The following SLCO3A1 variants were observed in gnomAD, a reference collection of about 807,000 sequenced individuals.
The protein encoded by SLCO3A1 is PGE1 transporter.
Under a neutral mutation model 63.1 loss-of-function variants are expected in SLCO3A1, and 27 were observed. The ratio of observed to expected loss-of-function variants is 0.43; its 90% CI spans 0.32 to 0.59. SLCO3A1 has a LOEUF of 0.59. Ranked by LOEUF, SLCO3A1 falls within the 20% of genes least tolerant of loss-of-function variation. The probability of loss-of-function intolerance (pLI) is 0.09; values close to 1 mark genes in which losing one functional copy is unlikely to be tolerated. For synonymous variants in SLCO3A1, 473 were observed against 409.9 expected (o/e 1.15, Z -1.86); for missense variants, 773 against 945.8 (o/e 0.82, Z 2.40).
intron 2 of SLCO3A1, among the ~76,000 whole-genome samples, chr15:92,055,697 G>A (rs1384188268): frequency 6.6e-6 from 1 of 152,118 alleles, no homozygotes; most frequent in Admixed American, 6.5e-5. Context: ...AGCCTCTTGA[G>A]CTCTCTGCAC....
rs372632353 is a variant in SLCO3A1, at chr15:92,042,537, C to T, written c.647-52344C>T. Among the ~76,000 whole-genome samples the T allele has an allele frequency of 1.5e-3, 226 of 152,266 alleles. 1 individual carries two copies. The highest frequency in any genetic ancestry group is 5.2e-3 in the African/African-American group (214 of 41,550). On this transcript the variant is annotated intron_variant, in intron 2 of 9. Transcript: ENST00000318445. Reference sequence around the variant, plus strand: ...CCCTACACCGGGCACTGGGAAATGGCAGAGTCACCTCCTGCTTCAGAGGAG... The same window carrying T: ...CCCTACACCGGGCACTGGGAAATGGTAGAGTCACCTCCTGCTTCAGAGGAG...
At chr15:91,878,765 ATACT>A (rs1897470051) in intron 1 of SLCO3A1, among the ~76,000 whole-genome samples, 1 of 152,232 alleles carries the variant, frequency 6.6e-6, no homozygotes, top group South Asian at 2.1e-4. Context: ...AAACAATGAA[ATACT>A]TATAGTAACT....
chr15:92,112,379 C>T (rs1430157075), intron 4 of SLCO3A1, among the ~76,000 whole-genome samples: 1 of 152,216 alleles, frequency 6.6e-6, no homozygotes, highest in Non-Finnish European at 1.5e-5. Flanking sequence ...CATTGCCCTT[C>T]TGAAGCATCT....
At chr15:92,165,998 A>G (rs1325170961), downstream of SLCO3A1, 1 of 597,416 alleles carries the variant, frequency 1.7e-6, no homozygotes, top group Non-Finnish European at 2.1e-6. Flanking sequence ...TGAAATTGAC[A>G]GATCTTTGTA....
chr15:92,111,320 A>G lies in SLCO3A1; in HGVS notation c.1009+6778A>G, dbSNP rs74030483. Among the ~76,000 whole-genome samples, 798 of 152,314 alleles carry G rather than the reference A, an allele frequency of 5.2e-3. 4 individuals are homozygous for G. The highest frequency in any genetic ancestry group is 0.019 in the African/African-American group (770 of 41,566). ...TCTTAATTAAAATCCTGTGCCTTTCAGCATAATGTTATCATGAGGAGCCTG... is the reference window on the plus strand; with the variant it reads ...TCTTAATTAAAATCCTGTGCCTTTCGGCATAATGTTATCATGAGGAGCCTG... On this transcript the variant is annotated intron_variant, in intron 4 of 9. Transcript: ENST00000318445.
At chr15:91,876,201 C>T (rs1391670685) in intron 1 of SLCO3A1, among the ~76,000 whole-genome samples, 2 of 152,210 alleles carry the variant, frequency 1.3e-5, no homozygotes, top group African/African-American at 4.8e-5. Flanking sequence ...AGCTTTCACT[C>T]CCAGGAGTGG....
rs1461031857 is a variant in SLCO3A1 at position 91,968,864 on chromosome 15, C to T, written c.646+52406C>T. 2.6e-5 allele frequency among the ~76,000 whole-genome samples: 4 copies of T among 152,178 alleles called. No homozygotes were observed. The highest frequency in any genetic ancestry group is 5.9e-5 in the Non-Finnish European group (4 of 68,028). ...TGCTTGGCACATTCTGGTTCCTCTG[C>T]ATGGAGTCTCCTTTCTCTTTCCCCT... is the stretch of plus-strand genomic sequence containing the variant. On this transcript the variant is annotated intron_variant, in intron 2 of 9. Coordinates refer to ENST00000318445, the MANE Select transcript of SLCO3A1 (RefSeq NM_013272.4). The surrounding 1 kb of genome is among the most constrained non-coding windows in gnomAD (Gnocchi z 4.2).
chr15:91,941,661 T>C lies in SLCO3A1; in HGVS notation c.646+25203T>C. Reference sequence around the variant, plus strand: ...GTTTTGTACTTTTTCTTACTCGGGATGTTTGTTTCTCTTTGTCTTTAAAAA... The same window carrying C: ...GTTTTGTACTTTTTCTTACTCGGGACGTTTGTTTCTCTTTGTCTTTAAAAA... On this transcript the variant is annotated intron_variant, in intron 2 of 9. Transcript: ENST00000318445. The surrounding 1 kb of genome is among the most constrained non-coding windows in gnomAD (Gnocchi z 4.4). 2.5e-6 allele frequency: 1 copy of C among 396,918 alleles called. No individual in the cohort carries two copies. Among genetic ancestry groups the C allele is most frequent in the Non-Finnish European group, 4.9e-6 (1 of 202,484 alleles). The allele number at this position is 396,918 out of a possible 1,614,324, so 24.6% of individuals were successfully genotyped here. A position where few individuals can be genotyped will look rare whatever the true frequency, so the allele number is the denominator to read the frequency against.
intron 2 of SLCO3A1, among the ~76,000 whole-genome samples, chr15:92,011,843 T>C (rs532897401): frequency 6.6e-6 from 1 of 152,346 alleles, no homozygotes; most frequent in South Asian, 2.1e-4. Flanking sequence ...TCTAGTGATG[T>C]GAACAGAGCG....
intron 2 of SLCO3A1, among the ~76,000 whole-genome samples, chr15:91,970,373 A>G (rs1900813896): frequency 6.6e-6 from 1 of 152,228 alleles, no homozygotes; most frequent in South Asian, 2.1e-4. Flanking sequence ...TTTGGGCTCC[A>G]TCACACCCTG....
intron 2 of SLCO3A1, among the ~76,000 whole-genome samples, chr15:92,080,629 A>G (rs1596082070): frequency 6.6e-6 from 1 of 152,144 alleles, no homozygotes; most frequent in Non-Finnish European, 1.5e-5. Context: ...CCATGCCCAT[A>G]CCAGACAGCA....
At chr15:92,084,978 G>T (rs1365216318) in intron 2 of SLCO3A1, among the ~76,000 whole-genome samples, 1 of 152,222 alleles carries the variant, frequency 6.6e-6, no homozygotes, top group Non-Finnish European at 1.5e-5. Context: ...TGGAGCATCA[G>T]TGGAAACTGA....
At chr15:92,067,827 A>G (rs1187439277) in intron 2 of SLCO3A1, among the ~76,000 whole-genome samples, 1 of 152,194 alleles carries the variant, frequency 6.6e-6, no homozygotes, top group Non-Finnish European at 1.5e-5. Context: ...TGTATTTGTC[A>G]TGGTTCTGCA....
At chr15:91,980,961 C>T (rs2045976692) in intron 2 of SLCO3A1, among the ~76,000 whole-genome samples, 1 of 152,194 alleles carries the variant, frequency 6.6e-6, no homozygotes, top group African/African-American at 2.4e-5. Flanking sequence ...CAGTAGATTC[C>T]ACTGGGGCGA....
chr15:91,916,286 CGAG>C lies in SLCO3A1; in HGVS notation c.476_478del (p.Glu159del). Reference sequence around the variant, plus strand: ...GCGCAGCCAACGGCTCGGGCGGCGACGAGGGGCCCGACCCCGACCTCATCTGCC... The same window carrying C: ...GCGCAGCCAACGGCTCGGGCGGCGACGGGCCCGACCCCGACCTCATCTGCC... On this transcript the variant is annotated inframe_deletion, in exon 2 of 10. Transcript: ENST00000318445. The surrounding 1 kb of genome is among the most constrained non-coding windows in gnomAD (Gnocchi z 6.2). 1 of 1,554,530 alleles carries C rather than the reference CGAG, an allele frequency of 6.4e-7. No homozygotes were observed. Among genetic ancestry groups the C allele is most frequent in the South Asian group, 1.2e-5 (1 of 85,294 alleles).
intron 2 of SLCO3A1, among the ~76,000 whole-genome samples, chr15:92,019,236 A>AC (rs1567069861): frequency 1.3e-5 from 2 of 152,110 alleles, no homozygotes. Context: ...TCTTGGCTCT[A>AC]CCACTTACCA....
chr15:92,053,045 C>T (rs1027537015), intron 2 of SLCO3A1, among the ~76,000 whole-genome samples: 9 of 152,156 alleles, frequency 5.9e-5, no homozygotes, highest in African/African-American at 2.2e-4. Flanking sequence ...AACAGCCCTT[C>T]AGATGTTTTA....
chr15:92,092,051 G>C (rs2047484104), intron 2 of SLCO3A1, among the ~76,000 whole-genome samples: 1 of 152,202 alleles, frequency 6.6e-6, no homozygotes, highest in South Asian at 2.1e-4. Flanking sequence ...CCTGTGGACA[G>C]CTGAGGCCAG....
At chr15:91,892,295 A>G (rs1269914404) in intron 1 of SLCO3A1, among the ~76,000 whole-genome samples, 1 of 152,180 alleles carries the variant, frequency 6.6e-6, no homozygotes, top group Non-Finnish European at 1.5e-5. Context: ...TTCCTCATTC[A>G]TGGGATGCAT....
Sources: gnomAD v4.1 joint callset for allele counts (sites outside exome capture counted in the v4.1 genomes callset) on GRCh38, gnomAD v4.1.1 for gene constraint, Gnocchi (gnomAD v3.1) non-coding constraint, MANE v1.5 for transcripts, NCBI Gene and HGNC (gene_info 2026-07-23, HGNC 2026-07-21) for gene names.